The following ZMYND11 variants were observed in gnomAD, a reference collection of about 807,000 sequenced individuals.
ZMYND11 encodes zinc finger MYND domain-containing protein 11.
ZMYND11 carries 9 observed loss-of-function variants against 84.9 expected under a neutral mutation model. The ratio of observed to expected loss-of-function variants is 0.11; its 90% CI spans 0.06 to 0.18. The LOEUF (loss-of-function observed/expected upper bound fraction) is 0.18. Ranked by LOEUF, ZMYND11 falls within the 10% of genes least tolerant of loss-of-function variation. The probability of loss-of-function intolerance (pLI) is 1.00; values close to 1 mark genes in which losing one functional copy is unlikely to be tolerated. For missense variants in ZMYND11, 409 were observed against 761.0 expected (o/e 0.54, Z 5.44); for synonymous variants, 250 against 244.1 (o/e 1.02, Z -0.23).
intron 1 of ZMYND11, among the ~76,000 whole-genome samples, chr10:169,479 A>G (rs1301578600): frequency 6.6e-6 from 1 of 152,212 alleles, no homozygotes; most frequent in Non-Finnish European, 1.5e-5. Flanking sequence ...TATGGCAGGA[A>G]TGTTGGAATA....
chr10:240,842 A>AATGTGTATGTATATTT, intron 8 of ZMYND11, 51 bp from the exon 9 acceptor site: 1 of 1,261,234 alleles, frequency 7.9e-7, no homozygotes. Flanking sequence ...TATATAGTTT[A>AATGTGTATGTATATTT]ATGTGTATGT....
intron 2 of ZMYND11, among the ~76,000 whole-genome samples, chr10:195,150 G>C (rs1396562036): frequency 6.6e-6 from 1 of 152,182 alleles, no homozygotes; most frequent in Non-Finnish European, 1.5e-5. Flanking sequence ...TAGCTTCAGT[G>C]TGTGTTAAGA....
chr10:246,072 C>G (rs1277668417), intron 10 of ZMYND11, among the ~76,000 whole-genome samples: 1 of 152,114 alleles, frequency 6.6e-6, no homozygotes. Context: ...GAGAAAGAGA[C>G]CAATGCCCAG....
At position 239,406 on chromosome 10, in the gene ZMYND11, C is replaced by G. The variant is rs376389158; in HGVS notation, c.610-32C>G. ...CAGACAAGTATTTTTACTGGTAACT[C>G]TTTTCGTCATTCTGTTTTTTGCCCT... On this transcript the variant is annotated intron_variant, in intron 6 of 14. Coordinates refer to ENST00000381604, the MANE Select transcript of ZMYND11 (RefSeq NM_001370100.5). The G allele has an allele frequency of 7.1e-5, 112 of 1,584,814 alleles. 1 individual carries two copies. Among genetic ancestry groups the G allele is most frequent in the Non-Finnish European group, 7.8e-5 (90 of 1,157,644 alleles).
In ZMYND11 at chr10:254,327, C is replaced by G. The variant is rs1410440167; in HGVS notation, c.*1857C>G. Reference sequence around the variant, plus strand: ...TCTCTGTTGACACGGTTGCACATTTCCAAGTTACTACAGCGTGAAAACTGT... The same window carrying G: ...TCTCTGTTGACACGGTTGCACATTTGCAAGTTACTACAGCGTGAAAACTGT... On this transcript the variant is annotated 3_prime_UTR_variant, in exon 15 of 15. Coordinates refer to ENST00000381604, the MANE Select transcript of ZMYND11 (RefSeq NM_001370100.5). 1 of 152,280 alleles carries G rather than the reference C, an allele frequency of 6.6e-6. No homozygotes were observed. The highest frequency in any genetic ancestry group is 1.5e-5 in the Non-Finnish European group (1 of 67,988). 9.4% of individuals were successfully genotyped at this position (152,280 alleles called of 1,614,324 possible).
intron 2 of ZMYND11, among the ~76,000 whole-genome samples, chr10:208,595 C>T (rs532676985): frequency 1.5e-4 from 23 of 152,324 alleles, no homozygotes; most frequent in African/African-American, 5.5e-4. Context: ...CACTCAGTCC[C>T]TGAGATAGTT....
chr10:212,654 T>C (rs947783736), intron 3 of ZMYND11, among the ~76,000 whole-genome samples: 1 of 152,062 alleles, frequency 6.6e-6, no homozygotes, highest in Non-Finnish European at 1.5e-5. Flanking sequence ...TTTCATTTGA[T>C]TGTTTGAAAG....
At chr10:169,518 A>G (rs1433422004) in intron 1 of ZMYND11, among the ~76,000 whole-genome samples, 2 of 152,224 alleles carry the variant, frequency 1.3e-5, no homozygotes, top group Non-Finnish European at 2.9e-5. Flanking sequence ...AAAAACTATG[A>G]TTAAAATGCT....
chr10:140,282 C>A (rs946758705), intron 1 of ZMYND11, among the ~76,000 whole-genome samples: 2 of 152,138 alleles, frequency 1.3e-5, no homozygotes. Flanking sequence ...ATACAATAGT[C>A]CTTTTGAATA....
At chr10:201,896 T>TA (rs1259484503) in intron 2 of ZMYND11, among the ~76,000 whole-genome samples, 1 of 152,206 alleles carries the variant, frequency 6.6e-6, no homozygotes, top group African/African-American at 2.4e-5. Flanking sequence ...GAAATTAAAA[T>TA]AGCAGACTAG....
At chr10:240,249 T>TA (rs1477581925) in intron 8 of ZMYND11, 138 bp downstream of exon 8, 4 of 691,424 alleles carry the variant, frequency 5.8e-6, no homozygotes, top group Non-Finnish European at 8.9e-6. Flanking sequence ...CTCACGCCTG[T>TA]AATCCCAGCA....
At chr10:241,151 TGA>T (rs1346506231) in intron 9 of ZMYND11, among the ~76,000 whole-genome samples, 181 bp downstream of exon 9, 1 of 152,148 alleles carries the variant, frequency 6.6e-6, no homozygotes, top group Non-Finnish European at 1.5e-5. Context: ...GATTTTAAAA[TGA>T]GATACTGAAT....
intron 7 of ZMYND11, 82 bp from the exon 8 acceptor site, chr10:239,974 C>A: frequency 7.9e-7 from 1 of 1,258,456 alleles, no homozygotes. Flanking sequence ...TCTACTTTTG[C>A]AAACTGAAAG....
In ZMYND11 at chr10:153,260, G is replaced by A. The variant is rs188026301; in HGVS notation, c.-20+17701G>A. 1.3e-4 allele frequency among the ~76,000 whole-genome samples: 20 copies of A among 152,272 alleles called. No individual in the cohort carries two copies. In the East Asian group the frequency reaches 3.3e-3, roughly 25 times the overall value. On this transcript the variant is annotated intron_variant, in intron 1 of 14. Coordinates refer to ENST00000381604, the MANE Select transcript of ZMYND11 (RefSeq NM_001370100.5). ...AAAATTTGAGAAATGAAACATTCTC[G>A]TTAAATTTAGCATGGACTAGTGTGA...
At chr10:251,421 AAT>A (rs1208501313) in intron 14 of ZMYND11, among the ~76,000 whole-genome samples, 1 of 152,204 alleles carries the variant, frequency 6.6e-6, no homozygotes, top group East Asian at 1.9e-4. Flanking sequence ...TAATGCACAC[AAT>A]ACACAGGAAG....
intron 9 of ZMYND11, among the ~76,000 whole-genome samples, 166 bp downstream of exon 9, chr10:241,136 T>C (rs1465249239): frequency 2.0e-5 from 3 of 152,172 alleles, no homozygotes; most frequent in Non-Finnish European, 4.4e-5. Flanking sequence ...TTGTTATCCA[T>C]TTCTGATTTT....
chr10:229,955 TCTC>T (rs1948720436), intron 4 of ZMYND11, among the ~76,000 whole-genome samples: 1 of 152,194 alleles, frequency 6.6e-6, no homozygotes. Context: ...AGCTCCTAGA[TCTC>T]CTCTATAATC....
At chr10:150,241 C>G (rs1554756593) in intron 1 of ZMYND11, among the ~76,000 whole-genome samples, 1 of 152,128 alleles carries the variant, frequency 6.6e-6, no homozygotes, top group Admixed American at 6.5e-5. Context: ...CCGTCTGGTC[C>G]TGGACTTTTT....
chr10:167,056 G>A (rs1844172890), intron 1 of ZMYND11, among the ~76,000 whole-genome samples: 1 of 152,124 alleles, frequency 6.6e-6, no homozygotes, highest in Non-Finnish European at 1.5e-5. Context: ...GATACAGAAA[G>A]TGGATTTGAG....
Sources: allele counts gnomAD v4.1 joint callset (sites outside exome capture counted in the v4.1 genomes callset), GRCh38; gene constraint gnomAD v4.1.1; transcripts MANE v1.5; gene names NCBI Gene and HGNC (gene_info 2026-07-23, HGNC 2026-07-21).